TMEM212: variants seen among roughly 807,000 people sequenced by gnomAD.
The protein encoded by TMEM212 is transmembrane protein 212.
TMEM212 carries 23 observed loss-of-function variants against 20.5 expected under a neutral mutation model. The ratio of observed to expected loss-of-function variants is 1.12; its 90% confidence interval spans 0.81 to 1.59. The LOEUF (loss-of-function observed/expected upper bound fraction) is 1.59, where lower values mean the gene tolerates loss of function less well. Among genes scored for constraint, TMEM212 ranks in the 40% most tolerant of loss-of-function variants. TMEM212 has a pLI of 0.00. For missense variants in TMEM212, 211 were observed against 215.0 expected, an observed-to-expected ratio of 0.98 and a Z score of 0.12; for synonymous variants, 76 against 81.6, an observed-to-expected ratio of 0.93 and a Z score of 0.37.
chr3:171,855,356 T>C (rs139640481), intron 3 of TMEM212, among the ~76,000 whole-genome samples: 71 of 152,306 alleles, frequency 4.7e-4, no homozygotes, highest in Non-Finnish European at 4.7e-4. Context: ...CTCATACCTG[T>C]AATCCTAGCA....
chr3:171,851,597 C>T (rs1372121565), intron 1 of TMEM212, among the ~76,000 whole-genome samples: 6 of 152,184 alleles, frequency 3.9e-5, no homozygotes, highest in Non-Finnish European at 5.9e-5. Flanking sequence ...ATTCTGGTTC[C>T]TTCCATTTAC....
At chr3:171,855,439 C>G (rs1440868137) in intron 3 of TMEM212, among the ~76,000 whole-genome samples, 2 of 152,032 alleles carry the variant, frequency 1.3e-5, no homozygotes, top group African/African-American at 2.4e-5. Context: ...ACGGTGAAAC[C>G]CCATCTCTAC....
At chr3:171,845,581 A>G (rs1292683845) in intron 1 of TMEM212, among the ~76,000 whole-genome samples, 1 of 152,232 alleles carries the variant, frequency 6.6e-6, no homozygotes, top group Non-Finnish European at 1.5e-5. Context: ...TAGGCCAAAC[A>G]TCTATTTTTA....
chr3:171,857,733 G>A (rs1725153081), intron 4 of TMEM212, among the ~76,000 whole-genome samples: 2 of 152,110 alleles, frequency 1.3e-5, no homozygotes, highest in South Asian at 4.1e-4. Flanking sequence ...GACCTGCGTA[G>A]ACATTTTTTC....
chr3:171,843,677 C>G, intron 1 of TMEM212, 135 bp downstream of exon 1: 9 of 690,164 alleles, frequency 1.3e-5, no homozygotes. Context: ...TCAGAATCCG[C>G]CTTGGAACAT....
intron 1 of TMEM212, 125 bp from the exon 2 acceptor site, chr3:171,851,857 A>C: frequency 1.2e-6 from 1 of 843,860 alleles, no homozygotes; most frequent in Non-Finnish European, 1.9e-6. Context: ...CAGAGCCATA[A>C]ATCCACTGAG....
intron 1 of TMEM212, among the ~76,000 whole-genome samples, chr3:171,851,694 C>T (rs751265243): frequency 6.6e-6 from 1 of 152,208 alleles, no homozygotes; most frequent in Non-Finnish European, 1.5e-5. Flanking sequence ...AAGCTATTAT[C>T]GTGGTGACAC....
chr3:171,852,204 G>T (rs1432525756), intron 2 of TMEM212, among the ~76,000 whole-genome samples, 163 bp downstream of exon 2: 1 of 151,738 alleles, frequency 6.6e-6, no homozygotes, highest in African/African-American at 2.4e-5. Context: ...TGTTTTAAAA[G>T]ATTTTTTTTT....
At position 171,847,843 on chromosome 3, in the gene TMEM212, G is replaced by A. The variant is rs550814960; in HGVS notation, c.160-4139G>A. On this transcript the variant is annotated intron_variant, in intron 1 of 4. Transcript: ENST00000334567. ...AGAGGGTGATCAGATATTGAGACTA[G>A]GGGGGGTTCTTGCTAAACTGACTCA... Among the ~76,000 whole-genome samples the A allele has an allele frequency of 2.6e-5, 4 of 151,820 alleles. No homozygotes were observed. The South Asian group carries it at 8.3e-4, about 32-fold the overall frequency.
chr3:171,853,432 C>A, intron 2 of TMEM212, 95 bp from the exon 3 acceptor site: 21 of 1,005,858 alleles, frequency 2.1e-5, no homozygotes, highest in Admixed American at 2.9e-5. Flanking sequence ...AGGAGAGATT[C>A]ATAGCCAGCA....
At chr3:171,850,590 A>G (rs1724953739) in intron 1 of TMEM212, among the ~76,000 whole-genome samples, 1 of 152,196 alleles carries the variant, frequency 6.6e-6, no homozygotes, top group Non-Finnish European at 1.5e-5. Flanking sequence ...TGCCTCCCAA[A>G]GCACAGAAAG....
In TMEM212 at chr3:171,843,546, T is replaced by A. The variant is rs771115107; in HGVS notation, c.159+4T>A. ...TCCTATCTGGAATGGAGCTTTGGTA[T>A]GAAAATAGTTTATTAAATATATTGA... On this transcript the variant is annotated splice_donor_region_variant and intron_variant, in intron 1 of 4. Transcript: ENST00000334567. 2.0e-5 allele frequency: 30 copies of A among 1,524,934 alleles called. No homozygotes were observed. In the South Asian group the frequency reaches 3.4e-4, roughly 18 times the overall value. 94.5% of individuals were successfully genotyped at this position (1,524,934 alleles called of 1,614,324 possible).
intron 4 of TMEM212, chr3:171,857,011 G>T (rs56096650): frequency 0.2 from 41,440 of 207,516 alleles, 4,300 homozygotes; most frequent in Middle Eastern, 0.32. Context: ...TAGTCTAGAT[G>T]AATTAGTCAC....
chr3:171,851,544 T>G (rs1224881750), intron 1 of TMEM212, among the ~76,000 whole-genome samples: 1 of 152,148 alleles, frequency 6.6e-6, no homozygotes, highest in African/African-American at 2.4e-5. Context: ...AGAAAGCAAA[T>G]AGCAAAAGAG....
rs1031484434 is a variant in TMEM212 at position 171,843,517 on chromosome 3, C to T, written c.134C>T (p.Ala45Val). The T allele has an allele frequency of 2.0e-6, 3 of 1,535,566 alleles. No individual in the cohort carries two copies. The highest frequency in any genetic ancestry group is 2.6e-6 in the Non-Finnish European group (3 of 1,146,112). ...TTCACAGGATGGAGTGTTCGAATTG[C>T]TTGTCCTATCTGGAATGGAGCTTTG... ...PWFTGWSVRI[A>V]CPIWNGALAI... Residue 45 changes from alanine to valine, a missense_variant, in exon 1 of 5, where the codon GCT becomes GTT. Transcript: ENST00000334567.
intron 2 of TMEM212, among the ~76,000 whole-genome samples, chr3:171,852,538 T>C (rs1344629204): frequency 3.3e-5 from 5 of 152,226 alleles, no homozygotes; most frequent in Non-Finnish European, 7.3e-5. Context: ...CCAAATATTT[T>C]CTACAAGTTC....
chr3:171,844,911 A>G (rs1724798645), intron 1 of TMEM212, among the ~76,000 whole-genome samples: 1 of 152,196 alleles, frequency 6.6e-6, no homozygotes, highest in African/African-American at 2.4e-5. Context: ...TCTTAAAGGA[A>G]CTTGGTCTAG....
At chr3:171,846,069 C>T (rs1402595334) in intron 1 of TMEM212, among the ~76,000 whole-genome samples, 3 of 152,270 alleles carry the variant, frequency 2.0e-5, no homozygotes, top group Middle Eastern at 3.4e-3. Flanking sequence ...CCTGTTACTT[C>T]CTGGACTTCA....
chr3:171,856,597 T>A (rs1369355990), intron 3 of TMEM212, 66 bp from the exon 4 acceptor site: 5 of 606,004 alleles, frequency 8.3e-6, no homozygotes, highest in Non-Finnish European at 1.5e-5. Flanking sequence ...TGGGTGCCCC[T>A]CCCACAGAAT....
Sources: allele counts gnomAD v4.1 joint callset (sites outside exome capture counted in the v4.1 genomes callset), GRCh38; gene constraint gnomAD v4.1.1; transcripts MANE v1.5; gene names NCBI Gene and HGNC (gene_info 2026-07-23, HGNC 2026-07-21).